SLC38A9: variants seen among roughly 807,000 people sequenced by gnomAD.
SLC38A9 encodes solute carrier family 38 member 9, also known as neutral amino acid transporter 9.
In SLC38A9, 48 loss-of-function variants were observed where a neutral mutation model predicts 62.3. The observed-to-expected ratio is 0.77, with a 90% CI of 0.61 to 0.98. The LOEUF (loss-of-function observed/expected upper bound fraction) is 0.98. SLC38A9 is among the 50% of genes least tolerant of loss of function. The pLI is 0.00. For missense variants in SLC38A9, 541 were observed against 679.8 expected, an observed-to-expected ratio of 0.80 and a Z score of 2.27; for synonymous variants, 204 against 227.7, an observed-to-expected ratio of 0.90 and a Z score of 0.94.
intron 8 of SLC38A9, among the ~76,000 whole-genome samples, chr5:55,659,012 T>C (rs553217874): frequency 6.6e-6 from 1 of 152,338 alleles, no homozygotes; most frequent in Non-Finnish European, 1.5e-5. Flanking sequence ...AGATAATCTC[T>C]TGATTGTCTC....
chr5:55,677,248 A>G (rs1752228974), intron 3 of SLC38A9, among the ~76,000 whole-genome samples: 4 of 152,240 alleles, frequency 2.6e-5, no homozygotes, highest in Admixed American at 2.6e-4. Context: ...CAAACATTAT[A>G]AAGTATCAAA....
Position 55,699,824 on chromosome 5 carries a change from T to G in SLC38A9, c.-34-1832A>C, listed in dbSNP as rs56265224. On this transcript the variant is annotated intron_variant, in intron 2 of 15. Coordinates refer to ENST00000396865, the MANE Select transcript of SLC38A9 (RefSeq NM_173514.4). ...AGAAGATAAGTCAGAAGAAACTACC[T>G]AGAATGTGGCAGAGAGAGAAAAATA... Among the ~76,000 whole-genome samples the G allele has an allele frequency of 9.3e-3, 1,418 of 152,106 alleles. 15 individuals carry two copies. The highest frequency in any genetic ancestry group is 0.016 in the Non-Finnish European group (1,103 of 67,994).
At chr5:55,698,651 C>A (rs1042998711) in intron 2 of SLC38A9, among the ~76,000 whole-genome samples, 1 of 152,174 alleles carries the variant, frequency 6.6e-6, no homozygotes, top group African/African-American at 2.4e-5. Context: ...TTAAAATGGA[C>A]CAGAGGCTAT....
chr5:55,680,281 G>A (rs979409198), intron 3 of SLC38A9, among the ~76,000 whole-genome samples: 9 of 152,032 alleles, frequency 5.9e-5, no homozygotes, highest in African/African-American at 1.9e-4. Flanking sequence ...TGATGCAAAC[G>A]AAACACATCT....
intron 3 of SLC38A9, among the ~76,000 whole-genome samples, chr5:55,673,806 A>G (rs4865618): frequency 0.6 from 90,687 of 150,580 alleles, 27,738 homozygotes; most frequent in South Asian, 0.7. Flanking sequence ...CCACCTCCTG[A>G]GTTCAAGCAA....
intron 3 of SLC38A9, among the ~76,000 whole-genome samples, chr5:55,683,159 A>AGT (rs1753272552): frequency 6.6e-6 from 1 of 152,224 alleles, no homozygotes; most frequent in Non-Finnish European, 1.5e-5. Context: ...GATCTCACCT[A>AGT]AAAACGTCAT....
chr5:55,686,856 G>C (rs11741015), intron 3 of SLC38A9, among the ~76,000 whole-genome samples: 91,158 of 151,950 alleles, frequency 0.6, 27,922 homozygotes, highest in South Asian at 0.7. Context: ...TATCCCAGCA[G>C]CATTTATTCA....
Position 55,641,513 on chromosome 5 carries a change from G to A in SLC38A9, c.1167+4276C>T, listed in dbSNP as rs980590852. On this transcript the variant is annotated intron_variant, in intron 12 of 15. Coordinates refer to ENST00000396865, the MANE Select transcript of SLC38A9 (RefSeq NM_173514.4). ...CTTAAGTTTCTCTAGCTGCATATCTGGAGTCTCTTGTATGGCAGCAGTGTC... is the reference window on the plus strand; with the variant it reads ...CTTAAGTTTCTCTAGCTGCATATCTAGAGTCTCTTGTATGGCAGCAGTGTC... Among the ~76,000 whole-genome samples the A allele has an allele frequency of 1.7e-4, 26 of 152,194 alleles. 1 individual carries two copies. The highest frequency in any genetic ancestry group is 1.6e-3 in the Admixed American group (25 of 15,278).
At chr5:55,627,590 A>G (rs1742667673) in intron 15 of SLC38A9, among the ~76,000 whole-genome samples, 3 of 152,116 alleles carry the variant, frequency 2.0e-5, no homozygotes, top group South Asian at 4.1e-4. Flanking sequence ...TATATTAAAA[A>G]TAACTTTTTA....
rs80238831 is a variant in SLC38A9, at chr5:55,667,265, A to C, written c.526+1963T>G. Reference sequence around the variant, plus strand: ...GCATTTGACAATATCTCCAAAAAAAACTGATTAATTATGAATATTTCTATG... The same window carrying C: ...GCATTTGACAATATCTCCAAAAAAACCTGATTAATTATGAATATTTCTATG... On this transcript the variant is annotated intron_variant, in intron 7 of 15. Transcript: ENST00000396865. Among the ~76,000 whole-genome samples, 7 of 151,846 alleles carry C rather than the reference A, an allele frequency of 4.6e-5. No individual in the cohort carries two copies. The South Asian group carries it at 6.2e-4, about 14-fold the overall frequency.
intron 12 of SLC38A9, among the ~76,000 whole-genome samples, chr5:55,638,647 A>G (rs1744859808): frequency 6.6e-6 from 1 of 152,200 alleles, no homozygotes; most frequent in Non-Finnish European, 1.5e-5. Context: ...TGAAAATACT[A>G]TTCAGTGGAG....
At chr5:55,709,984 G>A (rs1306085162) in intron 2 of SLC38A9, among the ~76,000 whole-genome samples, 2 of 146,546 alleles carry the variant, frequency 1.4e-5, no homozygotes, top group African/African-American at 2.5e-5. Context: ...CAGGGGAATC[G>A]CTTGAACCCG....
chr5:55,689,508 C>G (rs995314029), intron 3 of SLC38A9, among the ~76,000 whole-genome samples: 3 of 152,314 alleles, frequency 2.0e-5, no homozygotes, highest in South Asian at 4.1e-4. Context: ...TATATACTTG[C>G]AATTGGTTTT....
At position 55,700,359 on chromosome 5, in the gene SLC38A9, C is replaced by CAA. The variant is rs145225219; in HGVS notation, c.-34-2368_-34-2367insTT. On this transcript the variant is annotated intron_variant, in intron 2 of 15. Transcript: ENST00000396865. ...CCCCAATTAAAAAAAATAAAACAAG[C>CAA]CAAAAAAAAAAAGAACTAAAATCCC... is the stretch of plus-strand genomic sequence containing the variant. Among the ~76,000 whole-genome samples, 131 of 139,028 alleles carry CAA rather than the reference C, an allele frequency of 9.4e-4. 4 individuals carry two copies. The highest frequency in any genetic ancestry group is 2.8e-3 in the African/African-American group (103 of 37,372). The allele number at this position is 139,028 out of a possible 152,430, so 91.2% of individuals were successfully genotyped here. A position where few individuals can be genotyped will look rare whatever the true frequency, so the allele number is the denominator to read the frequency against.
chr5:55,627,937 C>T lies in SLC38A9; in HGVS notation c.1474G>A (p.Gly492Arg). ...LILNLIIVGA[G>R]VIMACFYPNI... ...GGGTAGAAACAGGCCATGATCACTC[C>T]AGCTCCCACAATAATTAGATTAAGA... The change falls in exon 15 of 16, where the codon GGA becomes AGA. Residue 492 changes from glycine (G) to arginine (R), a missense_variant. By Grantham distance (125) the Gly-to-Arg change is moderately radical. Coordinates refer to ENST00000396865, the MANE Select transcript of SLC38A9 (RefSeq NM_173514.4). 6.2e-7 allele frequency: 1 copy of T among 1,612,922 alleles called. No homozygotes were observed. The highest frequency in any genetic ancestry group is 8.5e-7 in the Non-Finnish European group (1 of 1,179,258).
chr5:55,662,206 G>A (rs1047946199), intron 8 of SLC38A9, among the ~76,000 whole-genome samples: 18 of 152,122 alleles, frequency 1.2e-4, no homozygotes, highest in Admixed American at 8.5e-4. Flanking sequence ...GTTTAATAAA[G>A]CCTTGCTTGT....
chr5:55,639,055 C>G (rs1328494342), intron 12 of SLC38A9, among the ~76,000 whole-genome samples: 1 of 152,024 alleles, frequency 6.6e-6, no homozygotes, highest in Non-Finnish European at 1.5e-5. Context: ...CGGTGGTTCA[C>G]GCCTGTAATC....
intron 8 of SLC38A9, among the ~76,000 whole-genome samples, chr5:55,660,740 T>C (rs1749367150): frequency 6.6e-6 from 1 of 152,132 alleles, no homozygotes; most frequent in Non-Finnish European, 1.5e-5. Context: ...AGATAAAGCA[T>C]ATATATGCAT....
At chr5:55,641,043 T>A (rs550615470) in intron 12 of SLC38A9, among the ~76,000 whole-genome samples, 1 of 152,250 alleles carries the variant, frequency 6.6e-6, no homozygotes, top group African/African-American at 2.4e-5. Context: ...TTTCTCCATG[T>A]TGGTCAGGCT....
Sources: gnomAD v4.1 joint callset for allele counts (sites outside exome capture counted in the v4.1 genomes callset) on GRCh38, gnomAD v4.1.1 for gene constraint, MANE v1.5 for transcripts, NCBI Gene and HGNC (gene_info 2026-07-23, HGNC 2026-07-21) for gene names.